SCN8A: variants seen among roughly 807,000 people sequenced by gnomAD.
SCN8A encodes the protein sodium channel protein type 8 subunit alpha.
SCN8A carries 30 observed loss-of-function variants against 184.1 expected under a neutral mutation model. The ratio of observed to expected loss-of-function variants is 0.16; its 90% confidence interval spans 0.12 to 0.22. The LOEUF (loss-of-function observed/expected upper bound fraction) is 0.22. Among genes scored for constraint, SCN8A ranks in the 10% least tolerant of loss-of-function variants. The pLI, the probability that SCN8A is intolerant of heterozygous loss-of-function variation, is 1.00. For missense variants in SCN8A, 1,057 were observed against 2,498.9 expected (o/e 0.42, Z 12.30); for synonymous variants, 852 against 907.0 (o/e 0.94, Z 1.09).
chr12:51,780,268 G>A (rs1431720507), intron 20 of SCN8A: 2 of 455,894 alleles, frequency 4.4e-6, no homozygotes, highest in Admixed American at 4.7e-5. Context: ...TGTAAAGGGC[G>A]AGGGTAAGGC....
intron 1 of SCN8A, among the ~76,000 whole-genome samples, chr12:51,608,368 G>A (rs1179708003): frequency 6.6e-6 from 1 of 151,866 alleles, no homozygotes; most frequent in East Asian, 1.9e-4. Flanking sequence ...TTCTGGTCCT[G>A]GACTTTTTTT....
chr12:51,663,862 C>T (rs928179609), intron 2 of SCN8A, among the ~76,000 whole-genome samples: 52 of 148,860 alleles, frequency 3.5e-4, no homozygotes, highest in African/African-American at 1.1e-3. Flanking sequence ...ATCTTGAGGA[C>T]TGGCATCAGA....
At chr12:51,716,363 T>A (rs925881780) in intron 11 of SCN8A, among the ~76,000 whole-genome samples, 1 of 151,712 alleles carries the variant, frequency 6.6e-6, no homozygotes, top group African/African-American at 2.4e-5. Context: ...AAGAAAACAA[T>A]AAAAAATAAA....
chr12:51,794,326 A>G, intron 25 of SCN8A, 45 bp from the exon 26 acceptor site: 1 of 1,570,852 alleles, frequency 6.4e-7, no homozygotes, highest in East Asian at 2.2e-5. Flanking sequence ...TTGGCTTGGA[A>G]AGGTTTTCAT....
chr12:51,712,633 G>C (rs1326895124), intron 11 of SCN8A: 1 of 783,974 alleles, frequency 1.3e-6, no homozygotes, highest in African/African-American at 1.7e-5. Context: ...CACCACCATA[G>C]TTACCACCGC....
Position 51,658,273 on chromosome 12 carries a change from C to T in SCN8A, c.-54-4491C>T, listed in dbSNP as rs146609191. ...CATGGGATGTCTTTCCACTTTTTTT[C>T]GTGATCTTTGATTTTTCATCAGTGT... On this transcript the variant is annotated intron_variant, in intron 1 of 26. Transcript: ENST00000627620. Among the ~76,000 whole-genome samples the T allele has an allele frequency of 3.5e-3, 524 of 151,768 alleles. 7 individuals carry two copies. The highest frequency in any genetic ancestry group is 0.03 in the Admixed American group (454 of 15,264).
chr12:51,729,927 T>C (rs1454194806), intron 12 of SCN8A, among the ~76,000 whole-genome samples: 1 of 152,226 alleles, frequency 6.6e-6, no homozygotes. Context: ...TCTTTTCCTA[T>C]GTTTTTTGGT....
chr12:51,748,628 A>G (rs1040387427), intron 13 of SCN8A, among the ~76,000 whole-genome samples: 3 of 152,232 alleles, frequency 2.0e-5, no homozygotes, highest in African/African-American at 7.2e-5. Context: ...AGTACTTGAC[A>G]TTATTGATTC....
chr12:51,797,016 T>A (rs1414916464), intron 26 of SCN8A, among the ~76,000 whole-genome samples: 3 of 152,108 alleles, frequency 2.0e-5, no homozygotes, highest in African/African-American at 7.2e-5. Context: ...TGGCAAAAAC[T>A]GCAATTACTT....
chr12:51,614,027 G>A (rs1939779213), intron 1 of SCN8A, among the ~76,000 whole-genome samples: 1 of 152,094 alleles, frequency 6.6e-6, no homozygotes, highest in Admixed American at 6.5e-5. Flanking sequence ...TCTGTTGTTA[G>A]GTGGAATGTT....
intron 12 of SCN8A, among the ~76,000 whole-genome samples, chr12:51,725,152 G>C (rs968645878): frequency 1.3e-5 from 2 of 152,048 alleles, no homozygotes; most frequent in East Asian, 3.8e-4. Flanking sequence ...CTCATAACTA[G>C]GAAAAACTAT....
At chr12:51,591,995 G>C (rs1465297774) in intron 1 of SCN8A, among the ~76,000 whole-genome samples, 1 of 150,008 alleles carries the variant, frequency 6.7e-6, no homozygotes. Flanking sequence ...CGGCAGGCGA[G>C]GATTCCTGCA....
intron 1 of SCN8A, among the ~76,000 whole-genome samples, chr12:51,651,893 T>C (rs1940722504): frequency 6.6e-6 from 1 of 152,190 alleles, no homozygotes; most frequent in Admixed American, 6.5e-5. Context: ...CTGCTACTAC[T>C]TAATTAATTA....
At chr12:51,701,583 A>G (rs1941688202) in intron 8 of SCN8A, among the ~76,000 whole-genome samples, 1 of 152,206 alleles carries the variant, frequency 6.6e-6, no homozygotes, top group East Asian at 1.9e-4. Context: ...CTGACAGCAT[A>G]GAGGAGGAAA....
At chr12:51,748,630 TA>T (rs1411456188) in intron 13 of SCN8A, among the ~76,000 whole-genome samples, 1 of 152,188 alleles carries the variant, frequency 6.6e-6, no homozygotes, top group South Asian at 2.1e-4. Flanking sequence ...TACTTGACAT[TA>T]TTGATTCTCA....
intron 2 of SCN8A, among the ~76,000 whole-genome samples, chr12:51,681,316 G>A (rs912246817): frequency 8.5e-5 from 13 of 152,150 alleles, no homozygotes; most frequent in East Asian, 1.9e-4. Context: ...TCTTTGCTGC[G>A]TGACCTTTGA....
intron 10 of SCN8A, 122 bp from the exon 11 acceptor site, chr12:51,706,300 T>G (rs1941781886): frequency 4.3e-6 from 4 of 939,306 alleles, no homozygotes; most frequent in African/African-American, 1.7e-5. Flanking sequence ...CAGTCTAGGT[T>G]TCCTGCCTCC....
In SCN8A at chr12:51,688,773, T is replaced by C. The variant is rs2138716083; in HGVS notation, c.615-232T>C. 1 of 1,613,840 alleles carries C rather than the reference T, an allele frequency of 6.2e-7. No homozygotes were observed. Among genetic ancestry groups the C allele is most frequent in the Non-Finnish European group, 8.5e-7 (1 of 1,179,720 alleles). The stretch of plus-strand genomic sequence containing the variant: ...GATTCTGCAGGTATATAACAGAGTT[T>C]GTAAACCTAGGCAATGTTTCAGCTC... On this transcript the variant is annotated intron_variant, in intron 5 of 26. Coordinates refer to ENST00000627620, the MANE Select transcript of SCN8A (RefSeq NM_001330260.2).
At chr12:51,721,102 TATATAA>T in intron 11 of SCN8A, among the ~76,000 whole-genome samples, 1 of 109,570 alleles carries the variant, frequency 9.1e-6, no homozygotes, top group African/African-American at 3.7e-5. Flanking sequence ...TATATATATA[TATATAA>T]TATTTATTTA....
Sources: allele counts gnomAD v4.1 joint callset (sites outside exome capture counted in the v4.1 genomes callset), GRCh38; gene constraint gnomAD v4.1.1; transcripts MANE v1.5; gene names NCBI Gene and HGNC (gene_info 2026-07-23, HGNC 2026-07-21).